DECR2: variants seen among roughly 807,000 people sequenced by gnomAD.
DECR2 encodes the protein peroxisomal 2,4-dienoyl-CoA reductase [(3E)-enoyl-CoA-producing].
A neutral mutation model predicts 29.2 loss-of-function variants in DECR2; 34 were observed. The observed-to-expected ratio is 1.16, with a 90% CI of 0.89 to 1.55. The LOEUF (loss-of-function observed/expected upper bound fraction) is 1.55. Ranked by LOEUF, DECR2 falls within the 40% of genes most tolerant of loss-of-function variation. The probability of loss-of-function intolerance (pLI) is 0.00; values close to 1 mark genes in which losing one functional copy is unlikely to be tolerated. For missense variants in DECR2, 485 were observed against 425.3 expected (o/e 1.14, Z -1.23); for synonymous variants, 224 against 182.7 (o/e 1.23, Z -1.82).
At chr16:406,001 G>A (rs988710427) in intron 2 of DECR2, among the ~76,000 whole-genome samples, 5 of 152,210 alleles carry the variant, frequency 3.3e-5, no homozygotes, top group Non-Finnish European at 7.4e-5. Flanking sequence ...AGTCCTCCAC[G>A]CCAGCCCCAC....
rs767755984 is a variant in DECR2, at chr16:411,594, C to T, written c.*16C>T. ...TAAGCTCTAGGTGAGGTACTGCTCCCGCTTCTTGGGGTCATCTGTGTCCTT... is the reference window on the plus strand; with the variant it reads ...TAAGCTCTAGGTGAGGTACTGCTCCTGCTTCTTGGGGTCATCTGTGTCCTT... On this transcript the variant is annotated intron_variant, in intron 8 of 8. Transcript: ENST00000219481. 1.2e-5 allele frequency: 19 copies of T among 1,598,112 alleles called. No individual in the cohort carries two copies. The highest frequency in any genetic ancestry group is 2.2e-5 in the East Asian group (1 of 44,712).
chr16:405,075 C>T, intron 2 of DECR2, 51 bp downstream of exon 2: 1 of 1,606,070 alleles, frequency 6.2e-7, no homozygotes, highest in African/African-American at 1.3e-5. Flanking sequence ...CCTGCCCGGG[C>T]CCTGCTGGAT....
Position 402,016 on chromosome 16 carries a change from G to A in DECR2, c.53G>A (p.Arg18His). The change falls in exon 1 of 9, where the codon CGC becomes CAC. Residue 18 changes from arginine to histidine, a missense_variant. Coordinates refer to ENST00000219481, the MANE Select transcript of DECR2 (RefSeq NM_020664.4). ...VEGDDCLPAY[R>H]HLFCPDLLRD... is the part of the protein sequence containing the mutation. ...GGGGACGACTGTCTCCCCGCGTACC[G>A]CCACCTCTTCTGCCCGGACCTGCTG... The A allele has an allele frequency of 6.7e-7, 1 of 1,488,544 alleles. No individual in the cohort carries two copies. The highest frequency in any genetic ancestry group is 8.9e-7 in the Non-Finnish European group (1 of 1,126,546). The allele number at this position is 1,488,544 out of a possible 1,614,324, so 92.2% of individuals were successfully genotyped here.
Position 410,371 on chromosome 16 carries a change from G to A in DECR2, c.462+4G>A, listed in dbSNP as rs1181609711. On this transcript the variant is annotated splice_donor_region_variant and intron_variant, in intron 5 of 8. Coordinates refer to ENST00000219481, the MANE Select transcript of DECR2 (RefSeq NM_020664.4). This position sits in a 1 kb window ranked among gnomAD's most constrained non-coding sequence, Gnocchi z 4.1. ...GCTCTATGAGAAGTTCTTCCGGGTGGGTGCCTCGTGCGCTCTGTGAGAAGT... is the reference window on the plus strand; with the variant it reads ...GCTCTATGAGAAGTTCTTCCGGGTGAGTGCCTCGTGCGCTCTGTGAGAAGT... 1 of 1,595,160 alleles carries A rather than the reference G, an allele frequency of 6.3e-7. No homozygotes were observed. The highest frequency in any genetic ancestry group is 8.5e-7 in the Non-Finnish European group (1 of 1,171,576).
chr16:402,597 C>G (rs1311342733), intron 1 of DECR2, among the ~76,000 whole-genome samples: 1 of 151,980 alleles, frequency 6.6e-6, no homozygotes, highest in Admixed American at 6.6e-5. Context: ...CGATCCTCCC[C>G]GGTCACCTGC....
At chr16:402,113 G>C in intron 1 of DECR2, 70 bp downstream of exon 1, 1 of 1,258,950 alleles carries the variant, frequency 7.9e-7, no homozygotes, top group South Asian at 2.1e-5. Flanking sequence ...GCGCCCCCAC[G>C]TGGTCCCCGA....
In DECR2 at chr16:411,927, C is replaced by T; in HGVS notation, c.*38C>T. The T allele has an allele frequency of 3.5e-6, 1 of 287,534 alleles. No homozygotes were observed. The highest frequency in any genetic ancestry group is 4.9e-5 in the Admixed American group (1 of 20,270). 17.8% of individuals were successfully genotyped at this position (287,534 alleles called of 1,614,324 possible). On this transcript the variant is annotated 3_prime_UTR_variant, in exon 9 of 9. Transcript: ENST00000219481. ...CGCTGCTTCCTGCCGCCTCACTCAG[C>T]CAGGTGGAGAGCACCAATCTGAACC...
chr16:406,992 A>G, intron 3 of DECR2: 2 of 1,019,098 alleles, frequency 2.0e-6, no homozygotes, highest in South Asian at 4.0e-5. Flanking sequence ...TTTTTAAAAA[A>G]TCTAGTTATT....
chr16:403,552 C>A (rs1418611641), intron 1 of DECR2, among the ~76,000 whole-genome samples: 1 of 152,148 alleles, frequency 6.6e-6, no homozygotes, highest in African/African-American at 2.4e-5. Context: ...AAATTATAAC[C>A]TCTATCTTGT....
Position 402,043 on chromosome 16 carries a change from G to C in DECR2, c.80G>C (p.Arg27Pro), listed in dbSNP as rs771555238. ...CACCTCTTCTGCCCGGACCTGCTGC[G>C]GTGAGCGGGGCCTGGGAAGCGAGCG... is the stretch of plus-strand genomic sequence containing the variant. ...YRHLFCPDLL[R>P]DKVAFITGGG... Residue 27 changes from arginine (R) to proline (P), a missense_variant and splice_region_variant, in exon 1 of 9, where the codon CGG (arginine) becomes CCG (proline). Transcript: ENST00000219481. 1 of 1,430,830 alleles carries C rather than the reference G, an allele frequency of 7.0e-7. No individual in the cohort carries two copies. The highest frequency in any genetic ancestry group is 1.5e-5 in the African/African-American group (1 of 67,720). The allele number at this position is 1,430,830 out of a possible 1,614,324, so 88.6% of individuals were successfully genotyped here.
rs755122943 is a variant in DECR2 at position 410,726 on chromosome 16, C to G, written c.498C>G (p.Thr166=). The stretch of plus-strand genomic sequence containing the variant: ...GGGTGATCGTGAACATCACTGCCAC[C>G]CTGGGGAACCGGGGGCAGGCGCTCC... ...HGGVIVNITA[T]LGNRGQALQV... The change falls in exon 6 of 9, where the codon ACC becomes ACG. Residue 166 remains threonine, a synonymous_variant. Coordinates refer to ENST00000219481, the MANE Select transcript of DECR2 (RefSeq NM_020664.4). This position sits in a 1 kb window ranked among gnomAD's most constrained non-coding sequence, Gnocchi z 4.1. The G allele has an allele frequency of 1.8e-5, 29 of 1,608,200 alleles. No homozygotes were observed. In the Admixed American group the frequency reaches 4.9e-4, roughly 27 times the overall value.
intron 3 of DECR2, chr16:407,122 G>A (rs764342782): frequency 6.3e-5 from 75 of 1,185,478 alleles, no homozygotes; most frequent in Non-Finnish European, 7.3e-5. Context: ...GACCTGGGAG[G>A]AGAGTCTCAC....
chr16:405,571 G>C (rs767087192), intron 2 of DECR2: 2 of 1,304,446 alleles, frequency 1.5e-6, no homozygotes, highest in Admixed American at 2.3e-5. Flanking sequence ...AGCAGGGGTA[G>C]CTACCTTTAT....
At chr16:405,476 A>C in intron 2 of DECR2, 78 of 1,239,690 alleles carry the variant, frequency 6.3e-5, no homozygotes, top group Non-Finnish European at 7.9e-5. Flanking sequence ...TCCCACAGGA[A>C]GAGATATGGC....
chr16:404,436 C>T (rs1464314055), intron 1 of DECR2, among the ~76,000 whole-genome samples: 26 of 150,866 alleles, frequency 1.7e-4, no homozygotes, highest in Admixed American at 1.7e-3. Context: ...GACGGGGTTT[C>T]TCCATGTTGG....
rs1047348456 is a variant in DECR2 at position 410,445 on chromosome 16, G to A, written c.462+78G>A. ...GCTCTGTGAGAAGTTCTTCCGGGTG[G>A]GTGCCTTGTGCGCTCTGTGAGAAGT... is the stretch of plus-strand genomic sequence containing the variant. On this transcript the variant is annotated intron_variant, in intron 5 of 8. Transcript: ENST00000219481. This position sits in a 1 kb window ranked among gnomAD's most constrained non-coding sequence, Gnocchi z 4.1. 10 of 1,577,278 alleles carry A rather than the reference G, an allele frequency of 6.3e-6. No homozygotes were observed. The highest frequency in any genetic ancestry group is 8.6e-6 in the Non-Finnish European group (10 of 1,157,890).
chr16:405,199 G>A (rs560472901), intron 2 of DECR2, 175 bp downstream of exon 2: 3 of 727,524 alleles, frequency 4.1e-6, no homozygotes, highest in Non-Finnish European at 6.8e-6. Context: ...GCCCTGGGGG[G>A]AGTCAGGACT....
At chr16:404,879 T>TG (rs1270055101) in intron 1 of DECR2, 77 bp from the exon 2 acceptor site, 1 of 1,450,442 alleles carries the variant, frequency 6.9e-7, no homozygotes, top group Non-Finnish European at 9.6e-7. Context: ...CCACCCACCT[T>TG]GGCCTTCCAA....
chr16:410,466 G>A lies in DECR2; in HGVS notation c.462+99G>A. 1.9e-6 allele frequency: 3 copies of A among 1,564,282 alleles called. No individual in the cohort carries two copies. Among genetic ancestry groups the A allele is most frequent in the Non-Finnish European group, 2.6e-6 (3 of 1,150,658 alleles). Reference sequence around the variant, plus strand: ...GGTGGGTGCCTTGTGCGCTCTGTGAGAAGTTCTTCCGGGTGGGTGTACTCC... The same window carrying A: ...GGTGGGTGCCTTGTGCGCTCTGTGAAAAGTTCTTCCGGGTGGGTGTACTCC... On this transcript the variant is annotated intron_variant, in intron 5 of 8. Coordinates refer to ENST00000219481, the MANE Select transcript of DECR2 (RefSeq NM_020664.4). The surrounding 1 kb of genome is among the most constrained non-coding windows in gnomAD (Gnocchi z 4.1).
Sources: gnomAD v4.1 joint callset for allele counts (sites outside exome capture counted in the v4.1 genomes callset) on GRCh38, gnomAD v4.1.1 for gene constraint, Gnocchi (gnomAD v3.1) non-coding constraint, MANE v1.5 for transcripts, NCBI Gene and HGNC (gene_info 2026-07-23, HGNC 2026-07-21) for gene names.